MSH6: variants seen among roughly 807,000 people sequenced by gnomAD.
The protein encoded by MSH6 is mutS homolog 6, also known as DNA mismatch repair protein Msh6.
A neutral mutation model predicts 119.1 loss-of-function variants in MSH6; 85 were observed. The observed-to-expected ratio is 0.71, with a 90% CI of 0.60 to 0.85. MSH6 has a LOEUF of 0.85. Among genes scored for constraint, MSH6 ranks in the 40% least tolerant of loss-of-function variants. MSH6 has a pLI of 0.00. For missense variants in MSH6, 2,163 were observed against 1,655.3 expected (o/e 1.31, Z -5.32); for synonymous variants, 830 against 586.9 (o/e 1.41, Z -5.99).
At chr2:47,803,193 C>T (rs1269870265) in intron 4 of MSH6, among the ~76,000 whole-genome samples, 2 of 152,240 alleles carry the variant, frequency 1.3e-5, no homozygotes, top group Non-Finnish European at 2.9e-5. Flanking sequence ...GCTGGGATTA[C>T]AGGCGTGAGC....
At position 47,799,788 on chromosome 2, in the gene MSH6, CAAAG is replaced by C. The variant is rs63750735; in HGVS notation, c.1806_1809del (p.Glu604LeufsTer5). ...GTTTTATTTGAAAAAGGAAATCTCT[CAAAG>C]GAAACTAAAACAATTCTAAAGAGTT... On this transcript the variant is annotated frameshift_variant, in exon 4 of 10. Transcript: ENST00000234420. LOFTEE classifies it high-confidence loss of function. 2 of 1,614,156 alleles carry C rather than the reference CAAAG, an allele frequency of 1.2e-6. No individual in the cohort carries two copies. The highest frequency in any genetic ancestry group is 1.7e-6 in the Non-Finnish European group (2 of 1,180,016).
At chr2:47,801,521 C>A (rs1278378719) in intron 4 of MSH6, among the ~76,000 whole-genome samples, 1 of 151,700 alleles carries the variant, frequency 6.6e-6, no homozygotes, top group Non-Finnish European at 1.5e-5. Flanking sequence ...ATATGCACCA[C>A]CATGCATGGC....
At chr2:47,795,640 A>T (rs951826485) in intron 2 of MSH6, among the ~76,000 whole-genome samples, 1 of 145,604 alleles carries the variant, frequency 6.9e-6, no homozygotes, top group East Asian at 2.0e-4. Flanking sequence ...TAATTTTTGT[A>T]TTTTTTTTTT....
chr2:47,798,569 A>G, intron 3 of MSH6, 42 bp from the exon 4 acceptor site: 1 of 1,599,548 alleles, frequency 6.3e-7, no homozygotes, highest in South Asian at 1.1e-5. Context: ...ATGGTTTTCC[A>G]AATTTTGATT....
intron 2 of MSH6, among the ~76,000 whole-genome samples, chr2:47,791,723 G>C (rs1668741008): frequency 6.8e-6 from 1 of 147,350 alleles, no homozygotes; most frequent in African/African-American, 2.5e-5. Flanking sequence ...CTGTTGCCTA[G>C]GCTGGAGTGC....
intron 1 of MSH6, among the ~76,000 whole-genome samples, chr2:47,786,090 G>T (rs1668330579): frequency 6.6e-6 from 1 of 152,186 alleles, no homozygotes; most frequent in African/African-American, 2.4e-5. Context: ...CGGAGAGGAT[G>T]CGGGTCAGGC....
downstream of MSH6, chr2:47,808,440 A>G: frequency 1.3e-6 from 2 of 1,567,048 alleles, no homozygotes; most frequent in Non-Finnish European, 1.7e-6. Context: ...AAAAAGCAAA[A>G]GCTTAAATTA....
chr2:47,809,916 A>G (rs565615075), downstream of MSH6: 8 of 542,278 alleles, frequency 1.5e-5, no homozygotes, highest in South Asian at 2.1e-4. Flanking sequence ...TAACTTTCGC[A>G]CCAACCTAAC....
At chr2:47,808,280 G>A, downstream of MSH6, 1 of 1,612,706 alleles carries the variant, frequency 6.2e-7, no homozygotes, top group Non-Finnish European at 8.5e-7. Context: ...TATTAGAAAA[G>A]TGAGGGGGAA....
chr2:47,807,486 G>GAT (rs2104603135), downstream of MSH6: 1 of 206,850 alleles, frequency 4.8e-6, no homozygotes, highest in African/African-American at 2.3e-5. Flanking sequence ...TATAATTTAA[G>GAT]ATTAGTGTTT....
Position 47,799,639 on chromosome 2 carries a change from T to A in MSH6, c.1656T>A (p.His552Gln), listed in dbSNP as rs745937181. ...LKEKEEDSSG[H>Q]TRAYGVCFVD... ...AAAAAGAGGAAGATTCTTCTGGCCA[T>A]ACTCGTGCATATGGTGTGTGCTTTG... Residue 552 changes from histidine to glutamine, a missense_variant, in exon 4 of 10, where the codon CAT becomes CAA. His to Gln is a conservative substitution (Grantham distance 24). Transcript: ENST00000234420. The A allele has an allele frequency of 2.5e-6, 4 of 1,614,180 alleles. No homozygotes were observed. In the East Asian group the frequency reaches 8.9e-5, roughly 36 times the overall value.
At chr2:47,793,468 A>G (rs1668879048) in intron 2 of MSH6, among the ~76,000 whole-genome samples, 1 of 151,450 alleles carries the variant, frequency 6.6e-6, no homozygotes. Flanking sequence ...TCTCTACTAA[A>G]AATACAAAAA....
downstream of MSH6, chr2:47,807,827 C>T (rs1194040674): frequency 2.3e-5 from 7 of 299,308 alleles, no homozygotes; most frequent in Non-Finnish European, 4.4e-5. Context: ...GTTGTAAAAA[C>T]ACCAGCTTTT....
intron 1 of MSH6, chr2:47,784,070 C>T: frequency 9.9e-7 from 1 of 1,010,574 alleles, no homozygotes; most frequent in Non-Finnish European, 1.2e-6. Context: ...GCCGCGGTCG[C>T]CGAGACGCCT....
rs59056100 is a variant in MSH6 at position 47,806,751 on chromosome 2, CTTTTTTTT to C, written c.4002-17_4002-10del. 6.2e-6 allele frequency: 9 copies of C among 1,444,230 alleles called. No individual in the cohort carries two copies. The South Asian group carries it at 8.7e-5, about 14-fold the overall frequency. 89.5% of individuals were successfully genotyped at this position (1,444,230 alleles called of 1,614,324 possible). ...GATGCACTATGAAAAAACAAAAAAA[CTTTTTTTT>C]TTTTTTTTTTAATTTTAAGGGAAGT... On this transcript the variant is annotated intron_variant, in intron 9 of 9. Coordinates refer to ENST00000234420, the MANE Select transcript of MSH6 (RefSeq NM_000179.3).
At chr2:47,792,457 C>T (rs140536762) in intron 2 of MSH6, among the ~76,000 whole-genome samples, 1 of 152,208 alleles carries the variant, frequency 6.6e-6, no homozygotes, top group Admixed American at 6.5e-5. Flanking sequence ...GTTTTGTTCT[C>T]TCTTCTACCA....
chr2:47,803,349 G>A (rs1669723391), intron 4 of MSH6, 71 bp from the exon 5 acceptor site: 1 of 1,577,338 alleles, frequency 6.3e-7, no homozygotes, highest in Admixed American at 1.7e-5. Context: ...ATATAAAGAA[G>A]ACCTATAAAA....
In MSH6 at chr2:47,799,402, G is replaced by T. The variant is rs864622535; in HGVS notation, c.1419G>T (p.Leu473=). Residue 473 remains leucine, a synonymous_variant, in exon 4 of 10, where the codon CTG becomes CTT. Transcript: ENST00000234420. ...EIAFGRYSDS[L]VQKGYKVARV... ...CATTTGGCCGTTATTCAGATTCCCTGGTGCAGAAGGGCTATAAAGTAGCAC... is the reference window on the plus strand; with the variant it reads ...CATTTGGCCGTTATTCAGATTCCCTTGTGCAGAAGGGCTATAAAGTAGCAC... 1 of 1,614,108 alleles carries T rather than the reference G, an allele frequency of 6.2e-7. No homozygotes were observed. Among genetic ancestry groups the T allele is most frequent in the Non-Finnish European group, 8.5e-7 (1 of 1,180,024 alleles).
chr2:47,791,200 C>CT (rs998222851), intron 2 of MSH6, 77 bp downstream of exon 2: 2 of 1,369,586 alleles, frequency 1.5e-6, no homozygotes, highest in Admixed American at 1.7e-5. Flanking sequence ...GACAGGCAGA[C>CT]TTTTTTCTAT....
Sources: allele counts gnomAD v4.1 joint callset (sites outside exome capture counted in the v4.1 genomes callset), GRCh38; gene constraint gnomAD v4.1.1; transcripts MANE v1.5; gene names NCBI Gene and HGNC (gene_info 2026-07-23, HGNC 2026-07-21).